The following LAMC2 variants were observed in gnomAD, a reference collection of about 807,000 sequenced individuals.
LAMC2 encodes the protein laminin subunit gamma 2.
LAMC2 carries 97 observed loss-of-function variants against 140.2 expected under a neutral mutation model. The observed-to-expected ratio is 0.69, with a 90% CI of 0.59 to 0.82. The LOEUF (loss-of-function observed/expected upper bound fraction) is 0.82. Among genes scored for constraint, LAMC2 ranks in the 40% least tolerant of loss-of-function variants. LAMC2 has a pLI of 0.00. For missense variants in LAMC2, 1,402 were observed against 1,476.1 expected, an observed-to-expected ratio of 0.95 and a Z score of 0.82; for synonymous variants, 513 against 540.2, an observed-to-expected ratio of 0.95 and a Z score of 0.70.
At chr1:183,249,680 G>GGC (rs1365407740), downstream of LAMC2, 4 of 116,216 alleles carry the variant, frequency 3.4e-5, no homozygotes, top group Admixed American at 3.7e-4. Flanking sequence ...TGAAGAGTAG[G>GGC]GCGTGTGTGT....
In LAMC2 at chr1:183,205,102, C is replaced by T. The variant is rs572620407; in HGVS notation, c.80-2779C>T. Among the ~76,000 whole-genome samples the T allele has an allele frequency of 1.7e-3, 262 of 152,284 alleles. 1 individual carries two copies. The highest frequency in any genetic ancestry group is 5.8e-3 in the African/African-American group (239 of 41,560). Reference sequence around the variant, plus strand: ...CCTCCCAAACTGCTGGGATTACAGGCGTGAACCACTGTGCCCAGCCCATGT... The same window carrying T: ...CCTCCCAAACTGCTGGGATTACAGGTGTGAACCACTGTGCCCAGCCCATGT... On this transcript the variant is annotated intron_variant, in intron 1 of 22. Transcript: ENST00000264144.
At chr1:183,195,548 T>C (rs1475152534) in intron 1 of LAMC2, among the ~76,000 whole-genome samples, 1 of 152,098 alleles carries the variant, frequency 6.6e-6, no homozygotes, top group Admixed American at 6.5e-5. Context: ...GACATTTAAA[T>C]GTCAACTGGT....
At position 183,243,155 on chromosome 1, in the gene LAMC2, C is replaced by G. The variant is rs1336774202; in HGVS notation, c.3337C>G (p.Leu1113Val). 7 of 1,613,708 alleles carry G rather than the reference C, an allele frequency of 4.3e-6. No homozygotes were observed. Among genetic ancestry groups the G allele is most frequent in the Non-Finnish European group, 5.9e-6 (7 of 1,179,952 alleles). Residue 1113 changes from leucine (L) to valine (V), a missense_variant, in exon 23 of 23, where the codon CTC becomes GTC. This residue lies in a region of LAMC2 where 670 missense variants were observed against 667.2 expected (regional missense o/e 1.00). Transcript: ENST00000264144. ...CTCATTCCTTGAAATAGACCAGCCT[C>G]TCAGTGTAGATGAAGAGGGGCTGGT... ...DGLLHLMDQP[L>V]SVDEEGLVLL...
rs780809429 is a variant in LAMC2 at position 183,232,254 on chromosome 1, G to T, written c.1925G>T (p.Gly642Val). The change falls in exon 13 of 23, where the codon GGA becomes GTA. Residue 642 changes from glycine (G) to valine (V), a missense_variant. By Grantham distance (109) the Gly-to-Val change is moderately radical (BLOSUM62 -3). Coordinates refer to ENST00000264144, the MANE Select transcript of LAMC2 (RefSeq NM_005562.3). ...ATTTCAAAGGCTCAGGGTGGTGATG[G>T]AGTAGTACCTGATACAGAGCTGGAA... ...ALISKAQGGD[G>V]VVPDTELEGR... 6.2e-7 allele frequency: 1 copy of T among 1,614,094 alleles called. No individual in the cohort carries two copies. The highest frequency in any genetic ancestry group is 1.1e-5 in the South Asian group (1 of 91,076).
rs376608388 is a variant in LAMC2 at position 183,215,592 on chromosome 1, A to G, written c.404+4A>G. On this transcript the variant is annotated splice_donor_region_variant and intron_variant, in intron 3 of 22. Transcript: ENST00000264144. ...GCACCCAAGACCAGAGACTGCTGTG[A>G]GTATTTGCATCCCACCATGGCTGTC... The G allele has an allele frequency of 8.2e-5, 132 of 1,613,956 alleles. No individual in the cohort carries two copies. The highest frequency in any genetic ancestry group is 4.3e-4 in the South Asian group (39 of 91,080).
intron 7 of LAMC2, 130 bp downstream of exon 7, chr1:183,223,454 G>A (rs1659536265): frequency 1.2e-6 from 1 of 836,058 alleles, no homozygotes; most frequent in Non-Finnish European, 1.9e-6. Flanking sequence ...GTACCATGAA[G>A]GTTGCTATGT....
chr1:183,225,528 G>T, intron 7 of LAMC2, 80 bp from the exon 8 acceptor site: 2 of 991,082 alleles, frequency 2.0e-6, no homozygotes, highest in Non-Finnish European at 3.2e-6. Flanking sequence ...AGCTGTTCCC[G>T]TATCCTCAGG....
chr1:183,239,233 A>G, intron 19 of LAMC2, 131 bp from the exon 20 acceptor site: 2 of 859,442 alleles, frequency 2.3e-6, no homozygotes, highest in Non-Finnish European at 4.0e-6. Flanking sequence ...TCCAGCCGTA[A>G]CTTCCCACAC....
chr1:183,192,767 A>G (rs1247855903), intron 1 of LAMC2, among the ~76,000 whole-genome samples: 4 of 152,156 alleles, frequency 2.6e-5, no homozygotes, highest in African/African-American at 9.7e-5. Flanking sequence ...CAGTGGCACG[A>G]TCTTGGCTCC....
Position 183,215,567 on chromosome 1 carries a change from G to A in LAMC2, c.383G>A (p.Cys128Tyr), listed in dbSNP as rs749194822. 1 of 1,614,126 alleles carries A rather than the reference G, an allele frequency of 6.2e-7. No homozygotes were observed. The highest frequency in any genetic ancestry group is 1.7e-5 in the Admixed American group (1 of 60,016). Residue 128 changes from cysteine (C) to tyrosine (Y), a missense_variant, in exon 3 of 23, where the codon TGC becomes TAC. Transcript: ENST00000264144. ...PGFHMLTDAG[C>Y]TQDQRLLDSK... ...TTCCACATGCTCACGGATGCGGGGT[G>A]CACCCAAGACCAGAGACTGCTGTGA...
chr1:183,238,283 C>T (rs776386238), intron 18 of LAMC2, 24 bp from the exon 19 acceptor site: 3 of 1,561,300 alleles, frequency 1.9e-6, no homozygotes. Flanking sequence ...TTCCTCTAAT[C>T]TTGTTCTATC....
At chr1:183,210,622 A>G (rs1438283463) in intron 2 of LAMC2, among the ~76,000 whole-genome samples, 1 of 152,258 alleles carries the variant, frequency 6.6e-6, no homozygotes, top group Non-Finnish European at 1.5e-5. Flanking sequence ...GCATTTTTCA[A>G]TGCCCAAAAG....
the LAMC2 span, among the ~76,000 whole-genome samples, chr1:183,255,179 T>A: frequency 6.6e-6 from 1 of 152,244 alleles, no homozygotes; most frequent in Admixed American, 6.5e-5. Flanking sequence ...GACTGTCCTC[T>A]CTTTATTGTG....
At chr1:183,200,535 T>C (rs559520482) in intron 1 of LAMC2, among the ~76,000 whole-genome samples, 2 of 152,310 alleles carry the variant, frequency 1.3e-5, no homozygotes, top group Non-Finnish European at 2.9e-5. Flanking sequence ...GATGAACTGC[T>C]ACTACTGATG....
chr1:183,255,799 G>A, the LAMC2 span, among the ~76,000 whole-genome samples: 5,545 of 151,654 alleles, frequency 0.037, 343 homozygotes, highest in African/African-American at 0.13. Flanking sequence ...GAGTAGCTCG[G>A]ATTACAGGCA....
Position 183,239,538 on chromosome 1 carries a change from T to G in LAMC2, c.3044T>G (p.Leu1015Arg). 1 of 1,613,602 alleles carries G rather than the reference T, an allele frequency of 6.2e-7. No individual in the cohort carries two copies. Among genetic ancestry groups the G allele is most frequent in the South Asian group, 1.1e-5 (1 of 90,974 alleles). Residue 1015 changes from leucine to arginine, a missense_variant, in exon 20 of 23, where the codon CTG becomes CGG. Leu to Arg is a moderately radical substitution (Grantham distance 102). Transcript: ENST00000264144. ...GCAAAGAATGGGGCCGGGGAGGCCC[T>G]GGAAATCTCCAGTGAGATTGAACAG... is the stretch of plus-strand genomic sequence containing the variant. ...QRAKNGAGEA[L>R]EISSEIEQEI...
At chr1:183,186,718 G>T (rs1182490251) in intron 1 of LAMC2, among the ~76,000 whole-genome samples, 1 of 152,106 alleles carries the variant, frequency 6.6e-6, no homozygotes, top group Non-Finnish European at 1.5e-5. Context: ...CGACCAAGGG[G>T]CCGCTATTTA....
chr1:183,243,259 G>C lies in LAMC2; in HGVS notation c.3441G>C (p.Glu1147Asp), dbSNP rs1268495638. Residue 1147 changes from glutamate (E) to aspartate (D), a missense_variant, in exon 23 of 23, where the codon GAG (glutamate) becomes GAC (aspartate). Physicochemically the swap from Glu to Asp is conservative, Grantham distance 45 (BLOSUM62 2). Coordinates refer to ENST00000264144, the MANE Select transcript of LAMC2 (RefSeq NM_005562.3). ...GGCCCATGATGTCAGAGCTGGAAGA[G>C]AGGGCACGTCAGCAGAGGGGCCACC... is the stretch of plus-strand genomic sequence containing the variant. ...QLRPMMSELE[E>D]RARQQRGHLH... 1 of 1,614,216 alleles carries C rather than the reference G, an allele frequency of 6.2e-7. No homozygotes were observed. The highest frequency in any genetic ancestry group is 1.7e-5 in the Admixed American group (1 of 60,032).
chr1:183,227,419 A>G, intron 9 of LAMC2, 96 bp from the exon 10 acceptor site: 1 of 1,212,000 alleles, frequency 8.3e-7, no homozygotes, highest in Non-Finnish European at 1.2e-6. Context: ...TTCAGAAAGG[A>G]AGGCTTTGAC....
Sources: allele counts gnomAD v4.1 joint callset (sites outside exome capture counted in the v4.1 genomes callset), GRCh38; gene constraint gnomAD v4.1.1; regional missense constraint gnomAD v4.1.1; transcripts MANE v1.5; gene names NCBI Gene and HGNC (gene_info 2026-07-23, HGNC 2026-07-21).